CMKLR2: variants seen among roughly 807,000 people sequenced by gnomAD.
CMKLR2 encodes chemerin-like receptor 2.
In CMKLR2, 18 loss-of-function variants were observed where a neutral mutation model predicts 23.0. The ratio of observed to expected loss-of-function variants is 0.78; its 90% CI spans 0.54 to 1.16. The LOEUF (loss-of-function observed/expected upper bound fraction) is 1.16. Among genes scored for constraint, CMKLR2 ranks in the 50% most tolerant of loss-of-function variants. The pLI, the probability that CMKLR2 is intolerant of heterozygous loss-of-function variation, is 0.00. For missense variants in CMKLR2, 401 were observed against 412.7 expected (o/e 0.97, Z 0.25); for synonymous variants, 158 against 158.9 (o/e 0.99, Z 0.05).
intron 1 of CMKLR2, among the ~76,000 whole-genome samples, chr2:206,205,850 C>A (rs1689296737): frequency 6.6e-6 from 1 of 152,032 alleles, no homozygotes. Flanking sequence ...CAGGCATATG[C>A]CACCATGCCC....
chr2:206,209,112 T>G (rs2105840968), intron 1 of CMKLR2, among the ~76,000 whole-genome samples: 1 of 152,204 alleles, frequency 6.6e-6, no homozygotes, highest in East Asian at 1.9e-4. Flanking sequence ...CTGACGTGGT[T>G]GGATAACTTG....
chr2:206,189,953 G>A (rs1688698730), intron 1 of CMKLR2, among the ~76,000 whole-genome samples: 1 of 152,072 alleles, frequency 6.6e-6, no homozygotes. Flanking sequence ...ATCTCTGCTT[G>A]GAAGGCGTTG....
At chr2:206,208,891 G>A (rs891215732) in intron 1 of CMKLR2, among the ~76,000 whole-genome samples, 1 of 152,064 alleles carries the variant, frequency 6.6e-6, no homozygotes, top group Non-Finnish European at 1.5e-5. Context: ...GGCTGGTCTC[G>A]AACTCTTGGG....
chr2:206,193,977 C>T (rs1450279940), intron 1 of CMKLR2, among the ~76,000 whole-genome samples: 1 of 152,184 alleles, frequency 6.6e-6, no homozygotes, highest in Non-Finnish European at 1.5e-5. Flanking sequence ...AGGGTGGAAA[C>T]TGAATTGGTG....
intron 1 of CMKLR2, among the ~76,000 whole-genome samples, chr2:206,211,348 G>A (rs191953564): frequency 2.6e-5 from 4 of 152,140 alleles, no homozygotes; most frequent in East Asian, 1.9e-4. Context: ...GTTTTGAGAC[G>A]GAGTCTTGCT....
At chr2:206,209,658 T>A (rs950315396) in intron 1 of CMKLR2, among the ~76,000 whole-genome samples, 5 of 150,652 alleles carry the variant, frequency 3.3e-5, no homozygotes, top group African/African-American at 1.2e-4. Flanking sequence ...TTTTTTTTTT[T>A]TTTTTTTTGA....
intron 1 of CMKLR2, among the ~76,000 whole-genome samples, chr2:206,204,239 A>G (rs967252134): frequency 1.7e-4 from 25 of 151,510 alleles, no homozygotes; most frequent in African/African-American, 5.3e-4. Flanking sequence ...TTGTAGTCCC[A>G]GCTACTCGGG....
At chr2:206,189,529 G>A (rs1187960467) in intron 1 of CMKLR2, among the ~76,000 whole-genome samples, 1 of 152,068 alleles carries the variant, frequency 6.6e-6, no homozygotes, top group Non-Finnish European at 1.5e-5. Flanking sequence ...CAGCTACTCA[G>A]GAGGCTGAGG....
chr2:206,205,946 G>A (rs1430426597), intron 1 of CMKLR2, among the ~76,000 whole-genome samples: 2 of 151,990 alleles, frequency 1.3e-5, no homozygotes, highest in Non-Finnish European at 1.5e-5. Flanking sequence ...TGATCTGCCC[G>A]CCTCGGCCTC....
At chr2:206,214,069 G>A (rs868320358), upstream of CMKLR2, among the ~76,000 whole-genome samples, 1 of 151,656 alleles carries the variant, frequency 6.6e-6, no homozygotes, top group Admixed American at 6.6e-5. Flanking sequence ...GGCCCGGCTA[G>A]TCTTGAATTC....
At chr2:206,191,023 T>C (rs1688731904) in intron 1 of CMKLR2, among the ~76,000 whole-genome samples, 1 of 152,228 alleles carries the variant, frequency 6.6e-6, no homozygotes, top group Non-Finnish European at 1.5e-5. Context: ...AAGAAACTTT[T>C]AGGCTTAATT....
Position 206,183,876 on chromosome 2 carries a change from T to G in CMKLR2, c.-28-6601A>C, listed in dbSNP as rs1688491962. On this transcript the variant is annotated intron_variant, in intron 1 of 1. Coordinates refer to ENST00000621141, the MANE Select transcript of CMKLR2 (RefSeq NM_001389445.1). ...GTTTTCAGGTACTTCCAGATCTAAGTAAGTTTCCAGACCTCATTTAAACCT... is the reference window on the plus strand; with the variant it reads ...GTTTTCAGGTACTTCCAGATCTAAGGAAGTTTCCAGACCTCATTTAAACCT... Among the ~76,000 whole-genome samples the G allele has an allele frequency of 2.0e-5, 3 of 152,212 alleles. No homozygotes were observed. In the South Asian group the frequency reaches 6.2e-4, roughly 31 times the overall value.
chr2:206,189,728 C>G (rs1688692251), intron 1 of CMKLR2, among the ~76,000 whole-genome samples: 1 of 152,078 alleles, frequency 6.6e-6, no homozygotes, highest in Non-Finnish European at 1.5e-5. Context: ...GATCCATGAC[C>G]TAGCAAACAT....
At chr2:206,197,805 A>T (rs1212480715) in intron 1 of CMKLR2, among the ~76,000 whole-genome samples, 1 of 152,228 alleles carries the variant, frequency 6.6e-6, no homozygotes, top group Non-Finnish European at 1.5e-5. Context: ...CTGGGATTAC[A>T]GGTGTGAGCC....
At position 206,213,324 on chromosome 2, in the gene CMKLR2, G is replaced by A. The variant is rs1689637989; in HGVS notation, c.-46C>T. On this transcript the variant is annotated 5_prime_UTR_variant, in exon 1 of 2. Transcript: ENST00000621141. ...GCACTTACCAGTTAAATTTCTGTGA[G>A]GAGAGAAGCTATTGTCATGCCTGGG... The A allele has an allele frequency of 2.0e-5, 3 of 152,326 alleles. No homozygotes were observed. The South Asian group carries it at 6.2e-4, about 32-fold the overall frequency. The allele number at this position is 152,326 out of a possible 1,614,324, so 9.4% of individuals were successfully genotyped here.
rs1386392705 is a variant in CMKLR2, at chr2:206,176,861, T to G, written c.387A>C (p.Thr129=). Residue 129 remains threonine, a synonymous_variant, in exon 2 of 2, where the codon ACA becomes ACC. Coordinates refer to ENST00000621141, the MANE Select transcript of CMKLR2 (RefSeq NM_001389445.1). ...LNMFASVFFL[T]VISLDHYIHL... Reference sequence around the variant, plus strand: ...GGATATAGTGGTCCAGGCTGATCACTGTCAGGAAAAAAACACTGGCAAACA... The same window carrying G: ...GGATATAGTGGTCCAGGCTGATCACGGTCAGGAAAAAAACACTGGCAAACA... The G allele has an allele frequency of 6.2e-7, 1 of 1,614,134 alleles. No individual in the cohort carries two copies. The highest frequency in any genetic ancestry group is 8.5e-7 in the Non-Finnish European group (1 of 1,180,032).
Position 206,176,188 on chromosome 2 carries a change from C to A in CMKLR2, c.1060G>T (p.Ala354Ser), listed in dbSNP as rs773717933. Residue 354 changes from alanine (A) to serine (S), a missense_variant, in exon 2 of 2, where the codon GCT (alanine) becomes TCT (serine). By Grantham distance (99) the Ala-to-Ser change is moderately conservative (BLOSUM62 1). Coordinates refer to ENST00000621141, the MANE Select transcript of CMKLR2 (RefSeq NM_001389445.1). ...TGTGGAAAAGTAATAACTTATTGAG[C>A]TGTTTCCAGGAGACACAGATTCTTG... ...ETKNLCLLETAQ is the reference protein window; with the variant it reads ...ETKNLCLLETSQ 6.2e-7 allele frequency: 1 copy of A among 1,603,596 alleles called. No homozygotes were observed. The highest frequency in any genetic ancestry group is 8.5e-7 in the Non-Finnish European group (1 of 1,175,128).
chr2:206,176,952 A>G lies in CMKLR2; in HGVS notation c.296T>C (p.Met99Thr). 6.2e-7 allele frequency: 1 copy of G among 1,614,266 alleles called. No homozygotes were observed. Residue 99 changes from methionine (M) to threonine (T), a missense_variant, in exon 2 of 2, where the codon ATG becomes ACG. By Grantham distance (81) the Met-to-Thr change is moderately conservative. Transcript: ENST00000621141. ...FLPLYISYVA[M>T]NFHWPFGIWL... ...GATGCCAAAGGGCCAGTGGAAATTC[A>G]TGGCCACATAGGAGATGTACAGGGG...
intron 1 of CMKLR2, among the ~76,000 whole-genome samples, chr2:206,193,672 T>C (rs372699979): frequency 5.6e-4 from 85 of 152,336 alleles, no homozygotes; most frequent in African/African-American, 1.9e-3. Flanking sequence ...GAAGCAAGCA[T>C]CATAGCAGGG....
Sources: allele counts gnomAD v4.1 joint callset (sites outside exome capture counted in the v4.1 genomes callset), GRCh38; gene constraint gnomAD v4.1.1; transcripts MANE v1.5; gene names NCBI Gene and HGNC (gene_info 2026-07-23, HGNC 2026-07-21).